KCNB2: variants seen among roughly 807,000 people sequenced by gnomAD.
KCNB2 encodes the protein delayed rectifier potassium channel protein.
A neutral mutation model predicts 61.5 loss-of-function variants in KCNB2; 15 were observed. That is an observed-to-expected ratio of 0.24 (90% CI 0.16 to 0.38). KCNB2 has a LOEUF of 0.38. Among genes scored for constraint, KCNB2 ranks in the 10% least tolerant of loss-of-function variants. The probability of loss-of-function intolerance (pLI) is 1.00; values close to 1 mark genes in which losing one functional copy is unlikely to be tolerated. For synonymous variants in KCNB2, 457 were observed against 446.0 expected (o/e 1.02, Z -0.31); for missense variants, 828 against 1,125.2 (o/e 0.74, Z 3.78).
At chr8:72,563,212 G>C (rs1366096034) in intron 1 of KCNB2, among the ~76,000 whole-genome samples, 1 of 152,178 alleles carries the variant, frequency 6.6e-6, no homozygotes, top group Admixed American at 6.5e-5. Flanking sequence ...ATGATGATTA[G>C]AGGGCATAGG....
intron 2 of KCNB2, among the ~76,000 whole-genome samples, chr8:72,916,101 G>A (rs887442527): frequency 1.3e-5 from 2 of 152,300 alleles, no homozygotes. Context: ...TTCTAAGCCA[G>A]GAGATCCATG....
rs1563523378 is a variant in KCNB2, at chr8:72,561,721, ATATATAT to A, written c.-93-5920_-93-5914del. On this transcript the variant is annotated intron_variant, in intron 1 of 2. Coordinates refer to ENST00000523207, the MANE Select transcript of KCNB2 (RefSeq NM_004770.3). ...TATATATATATATATATATATATAT[ATATATAT>A]CTATATCTATATATATATGTATATA... is the stretch of plus-strand genomic sequence containing the variant. 6.8e-4 allele frequency among the ~76,000 whole-genome samples: 16 copies of A among 23,630 alleles called. 3 individuals are homozygous for A. Among genetic ancestry groups the A allele is most frequent in the African/African-American group, 5.2e-3 (16 of 3,100 alleles). 15.5% of individuals were successfully genotyped at this position (23,630 alleles called of 152,430 possible).
At chr8:72,751,239 G>C (rs1370433807) in intron 2 of KCNB2, 2 of 152,134 alleles carry the variant, frequency 1.3e-5, no homozygotes, top group African/African-American at 2.4e-5. Flanking sequence ...TTGCAAGCCA[G>C]ACTCACAACA....
chr8:72,716,269 T>A (rs1247359152), intron 2 of KCNB2, among the ~76,000 whole-genome samples: 1 of 151,996 alleles, frequency 6.6e-6, no homozygotes, highest in Admixed American at 6.6e-5. Flanking sequence ...CTGAAACTAT[T>A]CCAATCAATA....
rs866404971 is a variant in KCNB2, at chr8:72,652,573, A to G, written c.579+84260A>G. On this transcript the variant is annotated intron_variant, in intron 2 of 2. Transcript: ENST00000523207. ...ATCCAAACTCCTTTCCATGATCTATAAATCTCACTAAGATCTGCCTTCAGC... is the reference window on the plus strand; with the variant it reads ...ATCCAAACTCCTTTCCATGATCTATGAATCTCACTAAGATCTGCCTTCAGC... 2.6e-5 allele frequency among the ~76,000 whole-genome samples: 4 copies of G among 152,082 alleles called. No individual in the cohort carries two copies. The South Asian group carries it at 8.3e-4, about 32-fold the overall frequency.
intron 2 of KCNB2, among the ~76,000 whole-genome samples, chr8:72,691,544 A>G (rs1178802661): frequency 1.3e-5 from 2 of 152,186 alleles, no homozygotes; most frequent in Admixed American, 1.3e-4. Context: ...CAACATCTGC[A>G]GGTGCCACAT....
intron 2 of KCNB2, among the ~76,000 whole-genome samples, chr8:72,732,937 T>C (rs1057316923): frequency 3.3e-5 from 5 of 152,032 alleles, no homozygotes; most frequent in Non-Finnish European, 7.4e-5. Context: ...AGAGTAGTAA[T>C]TTTATCTTTG....
At chr8:72,611,178 A>G (rs1805532107) in intron 2 of KCNB2, among the ~76,000 whole-genome samples, 1 of 152,214 alleles carries the variant, frequency 6.6e-6, no homozygotes, top group African/African-American at 2.4e-5. Flanking sequence ...TCAGAATGTT[A>G]TTAGTATTTT....
chr8:72,837,993 T>G (rs1235864663), intron 2 of KCNB2, among the ~76,000 whole-genome samples: 3 of 152,244 alleles, frequency 2.0e-5, no homozygotes, highest in Non-Finnish European at 4.4e-5. Context: ...ATTACCTTTT[T>G]ATATTAATTA....
intron 1 of KCNB2, among the ~76,000 whole-genome samples, chr8:72,546,548 C>T (rs1211662038): frequency 6.7e-6 from 1 of 150,324 alleles, no homozygotes; most frequent in Non-Finnish European, 1.5e-5. Context: ...GGTGAAGAAA[C>T]AAGTGTTAAA....
intron 1 of KCNB2, among the ~76,000 whole-genome samples, chr8:72,563,012 C>G (rs1200690740): frequency 6.6e-6 from 1 of 152,034 alleles, no homozygotes; most frequent in African/African-American, 2.4e-5. Context: ...AGAAAATCAA[C>G]TAAACACTAA....
At chr8:72,559,308 C>T (rs1279573401) in intron 1 of KCNB2, among the ~76,000 whole-genome samples, 1 of 151,916 alleles carries the variant, frequency 6.6e-6, no homozygotes, top group Non-Finnish European at 1.5e-5. Context: ...CTACACCCGG[C>T]TAATTTTTGT....
intron 2 of KCNB2, among the ~76,000 whole-genome samples, chr8:72,853,945 A>G (rs1307453272): frequency 6.6e-6 from 1 of 152,330 alleles, no homozygotes; most frequent in East Asian, 1.9e-4. Flanking sequence ...CAGCTTTCTT[A>G]TCTACCCTCC....
intron 2 of KCNB2, among the ~76,000 whole-genome samples, chr8:72,636,031 C>T (rs116990155): frequency 0.029 from 4,354 of 152,208 alleles, 90 homozygotes; most frequent in Non-Finnish European, 0.041. Context: ...AGATCTGAAA[C>T]GATTAGAACG....
chr8:72,805,661 C>T (rs535595940), intron 2 of KCNB2, among the ~76,000 whole-genome samples: 1 of 152,316 alleles, frequency 6.6e-6, no homozygotes, highest in East Asian at 1.9e-4. Flanking sequence ...TCATGCTCCT[C>T]TCACCCCTAA....
intron 2 of KCNB2, among the ~76,000 whole-genome samples, chr8:72,822,992 G>A (rs1183458613): frequency 1.3e-5 from 2 of 151,812 alleles, no homozygotes; most frequent in African/African-American, 4.8e-5. Context: ...TGAGCAAAAG[G>A]CACCCATCCA....
In KCNB2 at chr8:72,583,962, A is replaced by C. The variant is rs60106639; in HGVS notation, c.579+15649A>C. The stretch of plus-strand genomic sequence containing the variant: ...CAATAGAATATCAAAAAAAAAAAAA[A>C]AAACAAACAAAACCCAAACCCAAAA... On this transcript the variant is annotated intron_variant, in intron 2 of 2. Coordinates refer to ENST00000523207, the MANE Select transcript of KCNB2 (RefSeq NM_004770.3). 3.0e-3 allele frequency among the ~76,000 whole-genome samples: 442 copies of C among 149,088 alleles called. 2 individuals are homozygous for C. Among genetic ancestry groups the C allele is most frequent in the African/African-American group, 9.1e-3 (371 of 40,806 alleles).
At chr8:72,920,488 T>TATATA (rs57048446) in intron 2 of KCNB2, among the ~76,000 whole-genome samples, 17 of 137,232 alleles carry the variant, frequency 1.2e-4, no homozygotes, top group African/African-American at 1.8e-4. Context: ...TATATATATA[T>TATATA]TAGCTGGCCA....
chr8:72,823,007 G>A (rs1259169440), intron 2 of KCNB2, among the ~76,000 whole-genome samples: 1 of 151,986 alleles, frequency 6.6e-6, no homozygotes, highest in African/African-American at 2.4e-5. Context: ...CATCCACGTG[G>A]CTCACCACTA....
Sources: gnomAD v4.1 joint callset for allele counts (sites outside exome capture counted in the v4.1 genomes callset) on GRCh38, gnomAD v4.1.1 for gene constraint, MANE v1.5 for transcripts, NCBI Gene and HGNC (gene_info 2026-07-23, HGNC 2026-07-21) for gene names.